YTHDC2: variants seen among roughly 807,000 people sequenced by gnomAD.
YTHDC2 encodes the protein YTH N6-methyladenosine RNA binding protein C2, also known as 3'-5' RNA helicase YTHDC2.
Under a neutral mutation model 174.9 loss-of-function variants are expected in YTHDC2, and 45 were observed. That is an observed-to-expected ratio of 0.26 (90% CI 0.20 to 0.33). The LOEUF (loss-of-function observed/expected upper bound fraction) is 0.33, where lower values mean the gene tolerates loss of function less well. Ranked by LOEUF, YTHDC2 falls within the 10% of genes least tolerant of loss-of-function variation. YTHDC2 has a pLI of 1.00. For missense variants in YTHDC2, 1,650 were observed against 1,723.7 expected, an observed-to-expected ratio of 0.96 and a Z score of 0.76; for synonymous variants, 657 against 574.5, an observed-to-expected ratio of 1.14 and a Z score of -2.05.
In YTHDC2 at chr5:113,542,448, A is replaced by C. The variant is rs1775552548; in HGVS notation, c.1440A>C (p.Lys480Asn). 2 of 1,613,084 alleles carry C rather than the reference A, an allele frequency of 1.2e-6. No individual in the cohort carries two copies. Among genetic ancestry groups the C allele is most frequent in the South Asian group, 2.2e-5 (2 of 90,658 alleles). Reference sequence around the variant, plus strand: ...GCCTTTCTGATATATGGCTACATAAAGATATTGATGCCTTTGCTCAGGTCT... The same window carrying C: ...GCCTTTCTGATATATGGCTACATAACGATATTGATGCCTTTGCTCAGGTCT... The part of the protein sequence containing the change: ...DACLSDIWLH[K>N]DIDAFAQVFH... Residue 480 changes from lysine (K) to asparagine (N), a missense_variant, in exon 10 of 30, where the codon AAA becomes AAC. Coordinates refer to ENST00000161863, the MANE Select transcript of YTHDC2 (RefSeq NM_022828.5).
In YTHDC2 at chr5:113,581,580, C is replaced by G; in HGVS notation, c.3518C>G (p.Ser1173Cys). The G allele has an allele frequency of 6.2e-7, 1 of 1,614,072 alleles. No individual in the cohort carries two copies. Among genetic ancestry groups the G allele is most frequent in the Non-Finnish European group, 8.5e-7 (1 of 1,179,956 alleles). ...CAGTCTGCAGGTTTACAACAACCAT[C>G]TGGGATTGGCCAAAGGCCAAGGCCT... ...EEQSAGLQQP[S>C]GIGQRPRPMS... Residue 1173 changes from serine to cysteine, a missense_variant, in exon 25 of 30, where the codon TCT becomes TGT. Transcript: ENST00000161863.
In YTHDC2 at chr5:113,535,760, T is replaced by A. The variant is rs1775011520; in HGVS notation, c.1064T>A (p.Leu355His). 1.2e-6 allele frequency: 2 copies of A among 1,612,522 alleles called. No individual in the cohort carries two copies. Among genetic ancestry groups the A allele is most frequent in the African/African-American group, 2.7e-5 (2 of 74,882 alleles). Residue 355 changes from leucine (L) to histidine (H), a missense_variant, in exon 7 of 30, where the codon CTC becomes CAC. Physicochemically the swap from Leu to His is moderately conservative, Grantham distance 99. Transcript: ENST00000161863. ...TCTAGTGCTGCCTTGGATGTAAATC[T>A]CTTTATAAGATATTTTGGAAGTTGT... ...ILSSAALDVN[L>H]FIRYFGSCPV...
At chr5:113,566,446 CTT>C (rs34372128) in intron 21 of YTHDC2, among the ~76,000 whole-genome samples, 89 of 122,378 alleles carry the variant, frequency 7.3e-4, no homozygotes, top group African/African-American at 1.5e-3. Flanking sequence ...TTGAAGTCAC[CTT>C]TTTTTTTTTT....
intron 23 of YTHDC2, 112 bp from the exon 24 acceptor site, chr5:113,579,474 A>T: frequency 1.6e-6 from 1 of 628,276 alleles, no homozygotes; most frequent in Non-Finnish European, 2.6e-6. Context: ...TCCCACACAA[A>T]TTGTTGTATG....
At chr5:113,539,919 A>G (rs769584634) in intron 8 of YTHDC2, among the ~76,000 whole-genome samples, 1 of 152,120 alleles carries the variant, frequency 6.6e-6, no homozygotes, top group Non-Finnish European at 1.5e-5. Flanking sequence ...AAATTTTTTT[A>G]GAGACAGGTT....
chr5:113,532,867 C>G lies in YTHDC2; in HGVS notation c.676-12C>G. On this transcript the variant is annotated splice_polypyrimidine_tract_variant and intron_variant, in intron 4 of 29. Coordinates refer to ENST00000161863, the MANE Select transcript of YTHDC2 (RefSeq NM_022828.5). ...TCATGTCATCTTACAGTTTTTAAAA[C>G]TTTTGTTTCAGATTCCTCAGTTCCT... 6.3e-7 allele frequency: 1 copy of G among 1,594,538 alleles called. No individual in the cohort carries two copies. Among genetic ancestry groups the G allele is most frequent in the Non-Finnish European group, 8.6e-7 (1 of 1,168,604 alleles).
intron 9 of YTHDC2, among the ~76,000 whole-genome samples, chr5:113,542,150 T>A (rs1775526752): frequency 6.6e-6 from 1 of 152,202 alleles, no homozygotes. Context: ...TAGTCCTTTG[T>A]TGACAAACTC....
intron 2 of YTHDC2, among the ~76,000 whole-genome samples, chr5:113,520,661 G>A (rs1773801029): frequency 6.6e-6 from 1 of 152,108 alleles, no homozygotes; most frequent in Non-Finnish European, 1.5e-5. Context: ...TGCACTTTTT[G>A]TTCACAGAAG....
intron 2 of YTHDC2, among the ~76,000 whole-genome samples, chr5:113,523,573 G>T (rs1774017716): frequency 6.6e-6 from 1 of 152,044 alleles, no homozygotes; most frequent in African/African-American, 2.4e-5. Context: ...TTCTAGATCA[G>T]GTTAAATTTT....
chr5:113,528,397 G>GT (rs1774430242), intron 4 of YTHDC2, among the ~76,000 whole-genome samples: 1 of 152,128 alleles, frequency 6.6e-6, no homozygotes, highest in African/African-American at 2.4e-5. Flanking sequence ...AAAACAGAAT[G>GT]TAAGTAGTAT....
intron 9 of YTHDC2, among the ~76,000 whole-genome samples, chr5:113,542,125 A>G (rs1046670235): frequency 1.3e-5 from 2 of 152,220 alleles, no homozygotes; most frequent in African/African-American, 4.8e-5. Context: ...CACAATTAAC[A>G]TCGTGACTAG....
At chr5:113,578,561 C>T (rs1244254206) in intron 23 of YTHDC2, among the ~76,000 whole-genome samples, 16 of 152,098 alleles carry the variant, frequency 1.1e-4, no homozygotes, top group Admixed American at 1.0e-3. Context: ...TGATTTATTA[C>T]ATTGCTGGAT....
At chr5:113,579,539 A>G (rs1386210232) in intron 23 of YTHDC2, 47 bp from the exon 24 acceptor site, 1 of 1,427,654 alleles carries the variant, frequency 7.0e-7, no homozygotes, top group Non-Finnish European at 9.5e-7. Flanking sequence ...TTTTGCCATA[A>G]CGTAAGAAGG....
At chr5:113,589,408 A>AAATATATATATATATATATATAT (rs368975720) in intron 26 of YTHDC2, among the ~76,000 whole-genome samples, 8 of 123,244 alleles carry the variant, frequency 6.5e-5, no homozygotes, top group African/African-American at 2.4e-4. Context: ...AAAAAAAAAA[A>AAATATATATATATATATATATAT]ATATATATAT....
In YTHDC2 at chr5:113,576,234, G is replaced by T. The variant is rs191516311; in HGVS notation, c.3245-3352G>T. The stretch of plus-strand genomic sequence containing the variant: ...GACATGAGAATGGATTTCTTAAAGA[G>T]AATATATAAATTTGAGTAGTGGAAG... On this transcript the variant is annotated intron_variant, in intron 23 of 29. Coordinates refer to ENST00000161863, the MANE Select transcript of YTHDC2 (RefSeq NM_022828.5). 9.4e-3 allele frequency among the ~76,000 whole-genome samples: 1,434 copies of T among 152,190 alleles called. 14 individuals carry two copies. The highest frequency in any genetic ancestry group is 0.018 in the Admixed American group (276 of 15,276).
At position 113,553,362 on chromosome 5, in the gene YTHDC2, A is replaced by G. The variant is rs1561664361; in HGVS notation, c.1867+3A>G. ...TATCTGCCATAGTTGTGATGCTGGT[A>G]AATACGTGTTGTCTAAAAGAACTGG... On this transcript the variant is annotated splice_donor_region_variant and intron_variant, in intron 13 of 29. Coordinates refer to ENST00000161863, the MANE Select transcript of YTHDC2 (RefSeq NM_022828.5). The G allele has an allele frequency of 6.3e-7, 1 of 1,593,642 alleles. No individual in the cohort carries two copies. The highest frequency in any genetic ancestry group is 1.2e-5 in the South Asian group (1 of 86,596).
chr5:113,574,119 GC>G (rs1777893694), intron 23 of YTHDC2, among the ~76,000 whole-genome samples: 1 of 152,156 alleles, frequency 6.6e-6, no homozygotes, highest in Non-Finnish European at 1.5e-5. Context: ...CTTTGAGGAT[GC>G]TGACCTTTGA....
chr5:113,537,212 T>C (rs1775140848), intron 7 of YTHDC2, among the ~76,000 whole-genome samples: 1 of 152,196 alleles, frequency 6.6e-6, no homozygotes, highest in African/African-American at 2.4e-5. Flanking sequence ...AAGGCTGAAA[T>C]GATTTACATT....
intron 2 of YTHDC2, among the ~76,000 whole-genome samples, chr5:113,516,756 A>T (rs996967218): frequency 1.3e-5 from 2 of 152,200 alleles, no homozygotes; most frequent in Non-Finnish European, 2.9e-5. Context: ...AGGGAAAACA[A>T]AACTTTATTA....
Sources: gnomAD v4.1 joint callset for allele counts (sites outside exome capture counted in the v4.1 genomes callset) on GRCh38, gnomAD v4.1.1 for gene constraint, MANE v1.5 for transcripts, NCBI Gene and HGNC (gene_info 2026-07-23, HGNC 2026-07-21) for gene names.